CYFIP1: variants seen among roughly 807,000 people sequenced by gnomAD.
CYFIP1 encodes the protein cytoplasmic FMR1-interacting protein 1.
A neutral mutation model predicts 163.5 loss-of-function variants in CYFIP1; 58 were observed. That is an observed-to-expected ratio of 0.35 (90% confidence interval 0.29 to 0.44). The LOEUF is 0.44. Among genes scored for constraint, CYFIP1 ranks in the 20% least tolerant of loss-of-function variants. CYFIP1 has a pLI of 1.00. For missense variants in CYFIP1, 1,338 were observed against 1,653.8 expected (o/e 0.81, Z 3.31); for synonymous variants, 663 against 660.7 (o/e 1.00, Z -0.05).
Position 22,933,832 on chromosome 15 carries a change from G to C in CYFIP1, c.962C>G (p.Thr321Ser). 6.2e-7 allele frequency: 1 copy of C among 1,613,244 alleles called. No individual in the cohort carries two copies. The highest frequency in any genetic ancestry group is 8.5e-7 in the Non-Finnish European group (1 of 1,179,706). ...MQIELARYIK[T>S]SAHYEENKSR... ...TTTATTTTCCTCGTAGTGGGCGCTG[G>C]TCTTGATATATCTTGCCAGTTCTAT... is the stretch of plus-strand genomic sequence containing the variant. The change falls in exon 10 of 31, where the codon ACC becomes AGC. Residue 321 changes from threonine to serine, a missense_variant. Thr to Ser is a moderately conservative substitution (Grantham distance 58, BLOSUM62 1). Coordinates refer to ENST00000617928, the MANE Select transcript of CYFIP1 (RefSeq NM_014608.6).
At position 22,870,506 on chromosome 15, in the gene CYFIP1, CTTA is replaced by C. The variant is rs544410371; in HGVS notation, c.3598-317_3598-315del. ...AAATTTAATTTTGTAAAGACAAGGT[CTTA>C]TTATGCTGTCCAGGATGGTCTTGAA... On this transcript the variant is annotated intron_variant, in intron 30 of 30. Transcript: ENST00000617928. Among the ~76,000 whole-genome samples, 19 of 152,148 alleles carry C rather than the reference CTTA, an allele frequency of 1.2e-4. No individual in the cohort carries two copies. In the East Asian group the frequency reaches 2.9e-3, roughly 23 times the overall value.
At chr15:22,914,426 T>TC (rs1491152578) in intron 17 of CYFIP1, among the ~76,000 whole-genome samples, 9 of 112,676 alleles carry the variant, frequency 8.0e-5, no homozygotes, top group Non-Finnish European at 1.1e-4. Flanking sequence ...ATGATTTCTC[T>TC]TTTTTTTTTT....
intron 1 of CYFIP1, among the ~76,000 whole-genome samples, chr15:22,978,040 C>A (rs2063335230): frequency 6.6e-6 from 1 of 151,758 alleles, no homozygotes; most frequent in Non-Finnish European, 1.5e-5. Context: ...AATTATGAAA[C>A]ATCCACACTA....
intron 11 of CYFIP1, among the ~76,000 whole-genome samples, chr15:22,928,285 A>G (rs2061421223): frequency 6.6e-6 from 1 of 152,210 alleles, no homozygotes; most frequent in East Asian, 1.9e-4. Context: ...TCAGAGGCTG[A>G]GGCAGGAGAA....
chr15:22,974,376 A>G (rs1453892613), intron 1 of CYFIP1, among the ~76,000 whole-genome samples: 2 of 152,170 alleles, frequency 1.3e-5, no homozygotes, highest in Admixed American at 1.3e-4. Flanking sequence ...CAGAAGTTCA[A>G]GACCAGCCTG....
chr15:22,882,281 C>G (rs1207879621), intron 24 of CYFIP1, among the ~76,000 whole-genome samples: 2 of 152,222 alleles, frequency 1.3e-5, no homozygotes, highest in Non-Finnish European at 2.9e-5. Flanking sequence ...AGGACGCTGT[C>G]TGTGCTCCTG....
At chr15:22,910,182 A>C (rs981709153) in intron 20 of CYFIP1, among the ~76,000 whole-genome samples, 1 of 151,460 alleles carries the variant, frequency 6.6e-6, no homozygotes, top group African/African-American at 2.4e-5. Context: ...TTTGAGACGG[A>C]GTCTTGCTCA....
intron 27 of CYFIP1, among the ~76,000 whole-genome samples, chr15:22,874,898 A>C (rs2059538042): frequency 6.6e-6 from 1 of 152,134 alleles, no homozygotes; most frequent in African/African-American, 2.4e-5. Flanking sequence ...TGGCACAATG[A>C]GCCTGTACCC....
chr15:22,970,049 G>T, intron 1 of CYFIP1, among the ~76,000 whole-genome samples: 1 of 152,168 alleles, frequency 6.6e-6, no homozygotes, highest in Non-Finnish European at 1.5e-5. Context: ...CAGGGAAGTT[G>T]CAGGATACAA....
intron 18 of CYFIP1, among the ~76,000 whole-genome samples, chr15:22,911,053 C>A (rs1286421022): frequency 6.6e-6 from 1 of 152,066 alleles, no homozygotes; most frequent in Admixed American, 6.5e-5. Flanking sequence ...AGGTGCCCAC[C>A]ACCATTAGCC....
At chr15:22,873,388 A>T in intron 29 of CYFIP1, 103 bp downstream of exon 29, 1 of 973,150 alleles carries the variant, frequency 1.0e-6, no homozygotes, top group Non-Finnish European at 1.6e-6. Flanking sequence ...TTTCTGGTCC[A>T]CTTCCTGAGC....
rs931647578 is a variant in CYFIP1, at chr15:22,867,946, C to CCACT, written c.*2078_*2081dup. 1.3e-4 allele frequency: 20 copies of CCACT among 151,474 alleles called. No individual in the cohort carries two copies. The highest frequency in any genetic ancestry group is 4.6e-4 in the African/African-American group (19 of 41,408). 9.4% of individuals were successfully genotyped at this position (151,474 alleles called of 1,614,324 possible). A position where few individuals can be genotyped will look rare whatever the true frequency, so the allele number is the denominator to read the frequency against. On this transcript the variant is annotated 3_prime_UTR_variant, in exon 31 of 31. Coordinates refer to ENST00000617928, the MANE Select transcript of CYFIP1 (RefSeq NM_014608.6). ...GAACTCCATTCAGCTTTGAACCTAT[C>CCACT]CACTCATAACCATTGACTGGCCTTT...
intron 30 of CYFIP1, among the ~76,000 whole-genome samples, chr15:22,871,535 G>C (rs2059433255): frequency 6.6e-6 from 1 of 152,212 alleles, no homozygotes; most frequent in Non-Finnish European, 1.5e-5. Context: ...GCCCCTGAGA[G>C]AGGCCCATGA....
intron 22 of CYFIP1, among the ~76,000 whole-genome samples, chr15:22,897,545 G>T (rs1164711086): frequency 6.6e-6 from 1 of 151,520 alleles, no homozygotes; most frequent in Admixed American, 6.6e-5. Context: ...GTGCAGTCGC[G>T]CATTCTTGGC....
chr15:22,870,738 A>G (rs763227545), intron 30 of CYFIP1, among the ~76,000 whole-genome samples: 29 of 152,116 alleles, frequency 1.9e-4, no homozygotes, highest in Non-Finnish European at 3.4e-4. Context: ...TTCCTTCCAC[A>G]TTGGCAATTA....
chr15:22,964,381 A>T (rs566122011), intron 1 of CYFIP1, among the ~76,000 whole-genome samples: 4 of 142,960 alleles, frequency 2.8e-5, no homozygotes, highest in African/African-American at 1.1e-4. Context: ...ACACACACAC[A>T]CACACACACA....
intron 22 of CYFIP1, among the ~76,000 whole-genome samples, chr15:22,894,879 T>A (rs2346699): frequency 0.21 from 21,723 of 102,484 alleles, 1,301 homozygotes; most frequent in South Asian, 0.3. Context: ...ATATATATAT[T>A]TTTTTTTTTT....
At chr15:22,933,417 C>A (rs2061602741) in intron 10 of CYFIP1, among the ~76,000 whole-genome samples, 1 of 151,316 alleles carries the variant, frequency 6.6e-6, no homozygotes, top group Non-Finnish European at 1.5e-5. Flanking sequence ...CAGGTTCATG[C>A]CATTCTCCTA....
At chr15:22,964,405 A>ACACACC (rs2062829596) in intron 1 of CYFIP1, among the ~76,000 whole-genome samples, 1 of 137,522 alleles carries the variant, frequency 7.3e-6, no homozygotes, top group Admixed American at 7.2e-5. Context: ...ACACACACAC[A>ACACACC]CACCCGGCAG....
Sources: gnomAD v4.1 joint callset for allele counts (sites outside exome capture counted in the v4.1 genomes callset) on GRCh38, gnomAD v4.1.1 for gene constraint, MANE v1.5 for transcripts, NCBI Gene and HGNC (gene_info 2026-07-23, HGNC 2026-07-21) for gene names.